The following KCNMB4 variants were observed in gnomAD, a reference collection of about 807,000 sequenced individuals.
The protein encoded by KCNMB4 is calcium-activated potassium channel subunit beta-4.
A neutral mutation model predicts 20.7 loss-of-function variants in KCNMB4; 3 were observed. The observed-to-expected ratio is 0.14, with a 90% CI of 0.07 to 0.37. The LOEUF (loss-of-function observed/expected upper bound fraction) is 0.37. Ranked by LOEUF, KCNMB4 falls within the 10% of genes least tolerant of loss-of-function variation. KCNMB4 has a pLI of 1.00. For missense variants in KCNMB4, 168 were observed against 265.9 expected, an observed-to-expected ratio of 0.63 and a Z score of 2.56; for synonymous variants, 110 against 113.4, an observed-to-expected ratio of 0.97 and a Z score of 0.19.
intron 1 of KCNMB4, among the ~76,000 whole-genome samples, chr12:70,378,220 T>C (rs900460390): frequency 1.3e-5 from 2 of 152,034 alleles, no homozygotes; most frequent in Non-Finnish European, 2.9e-5. Context: ...CCTCCCAAAG[T>C]GCTAAGATTA....
Position 70,423,017 on chromosome 12 carries a change from G to A in KCNMB4, c.465-7468G>A, listed in dbSNP as rs190496505. Among the ~76,000 whole-genome samples the A allele has an allele frequency of 3.9e-5, 6 of 152,272 alleles. No homozygotes were observed. In the East Asian group the frequency reaches 5.8e-4, roughly 15 times the overall value. On this transcript the variant is annotated intron_variant, in intron 2 of 2. Transcript: ENST00000258111. ...AAAACATTTGCCAAACCCAGCTACC[G>A]TAAGAATTTAATGCTGTTAAATGAT...
chr12:70,368,613 A>G (rs945829581), intron 1 of KCNMB4, among the ~76,000 whole-genome samples: 10 of 152,166 alleles, frequency 6.6e-5, no homozygotes, highest in African/African-American at 1.9e-4. Context: ...AATTAAATCA[A>G]TAATGTCAAA....
intron 1 of KCNMB4, among the ~76,000 whole-genome samples, chr12:70,380,572 A>G (rs917755238): frequency 1.3e-5 from 2 of 152,058 alleles, no homozygotes; most frequent in African/African-American, 4.8e-5. Context: ...TGCCTGTACA[A>G]CAAAGCTACA....
chr12:70,408,945 T>A (rs1487885393), intron 2 of KCNMB4, among the ~76,000 whole-genome samples: 1 of 152,194 alleles, frequency 6.6e-6, no homozygotes, highest in African/African-American at 2.4e-5. Flanking sequence ...GTATTCTCAA[T>A]CTTTTCATAC....
At chr12:70,386,789 C>G (rs1198562206) in intron 1 of KCNMB4, among the ~76,000 whole-genome samples, 1 of 152,004 alleles carries the variant, frequency 6.6e-6, no homozygotes, top group Non-Finnish European at 1.5e-5. Flanking sequence ...CTAGAAACTT[C>G]TATAATGTTT....
At chr12:70,421,663 G>A (rs1198162458) in intron 2 of KCNMB4, among the ~76,000 whole-genome samples, 1 of 151,330 alleles carries the variant, frequency 6.6e-6, no homozygotes. Flanking sequence ...CTCACTGCAA[G>A]CTCCACCTCC....
intron 1 of KCNMB4, among the ~76,000 whole-genome samples, chr12:70,383,802 C>T (rs1190395143): frequency 2.8e-4 from 42 of 152,196 alleles, no homozygotes; most frequent in Admixed American, 2.7e-3. Flanking sequence ...GGTGCGGTGG[C>T]TTACGCCTGT....
chr12:70,383,430 G>C (rs73326337), intron 1 of KCNMB4, among the ~76,000 whole-genome samples: 19,365 of 152,180 alleles, frequency 0.13, 1,410 homozygotes, highest in Middle Eastern at 0.23. Context: ...CATGTTGCAG[G>C]AGCAATTGCA....
intron 1 of KCNMB4, among the ~76,000 whole-genome samples, chr12:70,382,762 C>G (rs1363224043): frequency 6.6e-6 from 1 of 152,104 alleles, no homozygotes; most frequent in Non-Finnish European, 1.5e-5. Flanking sequence ...CAGTAAAATA[C>G]TAGGCATGAA....
chr12:70,373,828 T>C (rs1286066483), intron 1 of KCNMB4, among the ~76,000 whole-genome samples: 9 of 152,050 alleles, frequency 5.9e-5, no homozygotes, highest in Non-Finnish European at 1.2e-4. Flanking sequence ...TAAAAAAATA[T>C]CAAGGAAATT....
intron 1 of KCNMB4, among the ~76,000 whole-genome samples, chr12:70,371,601 G>A (rs1395865571): frequency 1.3e-5 from 2 of 152,112 alleles, no homozygotes; most frequent in Non-Finnish European, 2.9e-5. Flanking sequence ...GGCATTTCTT[G>A]GTTGTTTTTC....
At chr12:70,413,713 G>A (rs991413860) in intron 2 of KCNMB4, among the ~76,000 whole-genome samples, 3 of 152,108 alleles carry the variant, frequency 2.0e-5, no homozygotes, top group African/African-American at 7.2e-5. Flanking sequence ...TTTTTGAAGT[G>A]TTTTCTGTTC....
At chr12:70,381,423 T>C (rs1883784058) in intron 1 of KCNMB4, among the ~76,000 whole-genome samples, 1 of 152,194 alleles carries the variant, frequency 6.6e-6, no homozygotes, top group African/African-American at 2.4e-5. Context: ...AGAAACTTTG[T>C]ACATGACTCT....
chr12:70,425,658 C>A (rs1565868014), intron 2 of KCNMB4, among the ~76,000 whole-genome samples: 1 of 152,268 alleles, frequency 6.6e-6, no homozygotes, highest in Middle Eastern at 3.4e-3. Flanking sequence ...TGGGAAAGAT[C>A]ACATGTCAGG....
intron 2 of KCNMB4, among the ~76,000 whole-genome samples, chr12:70,428,128 C>A (rs1370203365): frequency 6.6e-6 from 1 of 151,930 alleles, no homozygotes; most frequent in Non-Finnish European, 1.5e-5. Context: ...GAGAGATCTC[C>A]CACCTCAGCC....
At chr12:70,402,952 A>G (rs535818349) in intron 2 of KCNMB4, among the ~76,000 whole-genome samples, 3 of 152,242 alleles carry the variant, frequency 2.0e-5, no homozygotes, top group East Asian at 1.9e-4. Context: ...ACCTCCCTTC[A>G]TGTATCCTTG....
intron 1 of KCNMB4, among the ~76,000 whole-genome samples, chr12:70,388,363 G>A (rs982506033): frequency 2.6e-5 from 4 of 151,736 alleles, no homozygotes; most frequent in South Asian, 2.1e-4. Context: ...TTGCTGAATC[G>A]GATGGTAGCT....
intron 2 of KCNMB4, 138 bp downstream of exon 2, chr12:70,400,474 A>G: frequency 1.2e-6 from 1 of 842,308 alleles, no homozygotes; most frequent in Non-Finnish European, 1.8e-6. Context: ...AGGGAAACCC[A>G]TATAATGAAT....
At chr12:70,407,613 G>A (rs917459221) in intron 2 of KCNMB4, among the ~76,000 whole-genome samples, 24 of 151,468 alleles carry the variant, frequency 1.6e-4, no homozygotes, top group African/African-American at 2.7e-4. Context: ...GACTACAGGC[G>A]CCCGCCACCA....
Sources: gnomAD v4.1 joint callset for allele counts (sites outside exome capture counted in the v4.1 genomes callset) on GRCh38, gnomAD v4.1.1 for gene constraint, MANE v1.5 for transcripts, NCBI Gene and HGNC (gene_info 2026-07-23, HGNC 2026-07-21) for gene names.